OTOGL: variants seen among roughly 807,000 people sequenced by gnomAD.
The protein encoded by OTOGL is otogelin-like protein.
OTOGL carries 285 observed loss-of-function variants against 318.5 expected under a neutral mutation model. That is an observed-to-expected ratio of 0.89 (90% CI 0.81 to 0.99). The LOEUF is 0.99. OTOGL is among the 50% of genes least tolerant of loss of function. The pLI is 0.00. For synonymous variants in OTOGL, 987 were observed against 936.5 expected, an observed-to-expected ratio of 1.05 and a Z score of -0.99; for missense variants, 2,899 against 2,845.6, an observed-to-expected ratio of 1.02 and a Z score of -0.43.
At chr12:80,163,826 A>C (rs1429316969) in intron 1 of OTOGL, among the ~76,000 whole-genome samples, 1 of 152,192 alleles carries the variant, frequency 6.6e-6, no homozygotes, top group Non-Finnish European at 1.5e-5. Flanking sequence ...CCAAGCTTTT[A>C]GTTATGCTAT....
At chr12:80,294,044 T>C (rs543458091) in intron 26 of OTOGL, among the ~76,000 whole-genome samples, 8 of 152,264 alleles carry the variant, frequency 5.3e-5, no homozygotes, top group Non-Finnish European at 8.8e-5. Context: ...TTAAAGCTTT[T>C]AGTACCTGAG....
chr12:80,103,382 G>A (rs1180998043), intron 1 of OTOGL: 1 of 927,142 alleles, frequency 1.1e-6, no homozygotes, highest in South Asian at 1.5e-5. Flanking sequence ...TTTCTTGCAG[G>A]CTTCACATTC....
intron 1 of OTOGL, among the ~76,000 whole-genome samples, chr12:80,192,071 CTGT>C (rs1167824232): frequency 1.3e-5 from 2 of 152,182 alleles, no homozygotes; most frequent in Admixed American, 6.5e-5. Context: ...ATCCTAACCA[CTGT>C]TGTTGTTTTC....
In OTOGL at chr12:80,239,456, G is replaced by T; in HGVS notation, c.1052+17G>T. On this transcript the variant is annotated intron_variant, in intron 11 of 58. Coordinates refer to ENST00000547103, the MANE Select transcript of OTOGL (RefSeq NM_001378609.3). ...TCTTTGCAAGTAAGTGAAATGACTT[G>T]TAGTTGTAATAAAATTTTCTTTATG... The T allele has an allele frequency of 6.7e-7, 1 of 1,501,012 alleles. No individual in the cohort carries two copies. The highest frequency in any genetic ancestry group is 9.0e-7 in the Non-Finnish European group (1 of 1,109,394). 93.0% of individuals were successfully genotyped at this position (1,501,012 alleles called of 1,614,324 possible).
At chr12:80,179,074 G>A (rs1874734124) in intron 1 of OTOGL, among the ~76,000 whole-genome samples, 2 of 152,220 alleles carry the variant, frequency 1.3e-5, no homozygotes, top group South Asian at 4.2e-4. Context: ...GGGGAAAGGA[G>A]ACTGGCTTGG....
chr12:80,268,503 T>G (rs1883168946), intron 22 of OTOGL, among the ~76,000 whole-genome samples: 1 of 152,142 alleles, frequency 6.6e-6, no homozygotes. Context: ...ATATTGATTA[T>G]GCTCAATTTA....
rs1034006125 is a variant in OTOGL, at chr12:80,256,187, G to C, written c.1588-150G>C. ...TTATACTCAAGGCTTTTATATATTAGAAATTCTAATTTATATGCACTCTCT... is the reference window on the plus strand; with the variant it reads ...TTATACTCAAGGCTTTTATATATTACAAATTCTAATTTATATGCACTCTCT... On this transcript the variant is annotated intron_variant, in intron 16 of 58. Coordinates refer to ENST00000547103, the MANE Select transcript of OTOGL (RefSeq NM_001378609.3). 16 of 978,906 alleles carry C rather than the reference G, an allele frequency of 1.6e-5. No homozygotes were observed. In the African/African-American group the frequency reaches 2.5e-4, roughly 15 times the overall value. 60.6% of individuals were successfully genotyped at this position (978,906 alleles called of 1,614,324 possible). A position where few individuals can be genotyped will look rare whatever the true frequency, so the allele number is the denominator to read the frequency against.
intron 48 of OTOGL, 44 bp downstream of exon 48, chr12:80,356,564 A>C: frequency 2.9e-6 from 4 of 1,375,874 alleles, no homozygotes; most frequent in Non-Finnish European, 4.0e-6. Flanking sequence ...TTCATTGTTC[A>C]TTCAGAACAG....
chr12:80,286,608 G>A (rs933642366), intron 26 of OTOGL, among the ~76,000 whole-genome samples: 2 of 152,160 alleles, frequency 1.3e-5, no homozygotes, highest in Admixed American at 1.3e-4. Flanking sequence ...TTGGGAGGGT[G>A]TATGTGTCCA....
chr12:80,130,491 A>G (rs1326482394), intron 1 of OTOGL, among the ~76,000 whole-genome samples: 1 of 152,232 alleles, frequency 6.6e-6, no homozygotes, highest in Non-Finnish European at 1.5e-5. Context: ...AACCAGAAAG[A>G]GCAGGCCAGT....
Position 80,320,412 on chromosome 12 carries a change from T to G in OTOGL, c.3803-10T>G. The G allele has an allele frequency of 6.2e-7, 1 of 1,605,578 alleles. No individual in the cohort carries two copies. Among genetic ancestry groups the G allele is most frequent in the Non-Finnish European group, 8.5e-7 (1 of 1,174,904 alleles). ...TCTCCTGAGAATCCACACTGCTCTA[T>G]ATTTTACAGCATTAGCACTTGTTTC... is the stretch of plus-strand genomic sequence containing the variant. On this transcript the variant is annotated splice_polypyrimidine_tract_variant and intron_variant, in intron 33 of 58. Transcript: ENST00000547103.
intron 44 of OTOGL, among the ~76,000 whole-genome samples, chr12:80,348,532 C>T (rs947694716): frequency 6.6e-6 from 1 of 151,848 alleles, no homozygotes; most frequent in Non-Finnish European, 1.5e-5. Flanking sequence ...AGTCTTCTAC[C>T]ACTGAGCTTC....
intron 43 of OTOGL, among the ~76,000 whole-genome samples, chr12:80,340,473 A>G (rs140836759): frequency 1.3e-5 from 2 of 152,264 alleles, no homozygotes; most frequent in African/African-American, 2.4e-5. Context: ...CCTATAACTT[A>G]TCACTTTTGA....
chr12:80,309,101 G>C (rs1886457743), intron 29 of OTOGL, among the ~76,000 whole-genome samples: 1 of 152,144 alleles, frequency 6.6e-6, no homozygotes, highest in African/African-American at 2.4e-5. Flanking sequence ...ATTCATACCT[G>C]ATAGACAAGG....
At chr12:80,237,502 G>C (rs1424433330) in intron 9 of OTOGL, among the ~76,000 whole-genome samples, 1 of 152,170 alleles carries the variant, frequency 6.6e-6, no homozygotes, top group Non-Finnish European at 1.5e-5. Flanking sequence ...TTTTAGGAAA[G>C]AGTGGTTTTG....
chr12:80,191,819 G>A (rs75733247), intron 1 of OTOGL, among the ~76,000 whole-genome samples: 3,374 of 152,216 alleles, frequency 0.022, 136 homozygotes, highest in East Asian at 0.18. Context: ...AAATCATCTC[G>A]CTCTCTTGTG....
At chr12:80,372,130 G>A (rs992591768) in intron 57 of OTOGL, 66 bp downstream of exon 57, 9 of 1,125,764 alleles carry the variant, frequency 8.0e-6, no homozygotes, top group African/African-American at 1.6e-5. Context: ...AGTGATTATG[G>A]TTTTTCTCAC....
Position 80,180,446 on chromosome 12 carries a change from T to C in OTOGL, c.-19-28967T>C, listed in dbSNP as rs74438902. On this transcript the variant is annotated intron_variant, in intron 1 of 58. Transcript: ENST00000547103. ...GGCAACTTTTGGCCATCATGTCATA[T>C]GTGGTCCATAAACTCTAACAGGTAT... Among the ~76,000 whole-genome samples the C allele has an allele frequency of 4.1e-3, 620 of 152,320 alleles. 6 individuals carry two copies. Among genetic ancestry groups the C allele is most frequent in the African/African-American group, 0.014 (601 of 41,568 alleles).
chr12:80,305,346 G>A (rs953517745), intron 28 of OTOGL, among the ~76,000 whole-genome samples: 3 of 152,098 alleles, frequency 2.0e-5, no homozygotes, highest in Non-Finnish European at 4.4e-5. Context: ...GGTAAGTGTG[G>A]ATAAATAGGA....
Sources: gnomAD v4.1 joint callset for allele counts (sites outside exome capture counted in the v4.1 genomes callset) on GRCh38, gnomAD v4.1.1 for gene constraint, MANE v1.5 for transcripts, NCBI Gene and HGNC (gene_info 2026-07-23, HGNC 2026-07-21) for gene names.